TAMM41: variants seen among roughly 807,000 people sequenced by gnomAD.
TAMM41 encodes TAM41 mitochondrial translocator assembly and maintenance homolog.
TAMM41 carries 36 observed loss-of-function variants against 44.1 expected under a neutral mutation model. That is an observed-to-expected ratio of 0.82 (90% CI 0.63 to 1.08). TAMM41 has a LOEUF of 1.08. TAMM41 is among the 50% of genes least tolerant of loss of function. TAMM41 has a pLI of 0.00. For synonymous variants in TAMM41, 164 were observed against 153.1 expected, an observed-to-expected ratio of 1.07 and a Z score of -0.53; for missense variants, 417 against 404.3, an observed-to-expected ratio of 1.03 and a Z score of -0.27.
At chr3:11,790,698 G>A in intron 7 of TAMM41, 117 bp from the exon 8 acceptor site, 2 of 820,228 alleles carry the variant, frequency 2.4e-6, no homozygotes, top group Non-Finnish European at 4.0e-6. Context: ...GGGCTGACCC[G>A]TGGCTCTAGG....
chr3:11,826,326 G>C (rs879449340), intron 4 of TAMM41, among the ~76,000 whole-genome samples: 71 of 152,184 alleles, frequency 4.7e-4, no homozygotes, highest in Non-Finnish European at 8.7e-4. Flanking sequence ...TTGAGCTCAG[G>C]AATTCGAGAC....
chr3:11,819,644 T>C (rs1053404850), intron 4 of TAMM41, among the ~76,000 whole-genome samples: 1 of 152,076 alleles, frequency 6.6e-6, no homozygotes, highest in Non-Finnish European at 1.5e-5. Context: ...TCTATAGTCC[T>C]AGCACTTTGT....
At chr3:11,818,190 C>G (rs1177304506) in intron 4 of TAMM41, among the ~76,000 whole-genome samples, 1 of 152,166 alleles carries the variant, frequency 6.6e-6, no homozygotes, top group African/African-American at 2.4e-5. Flanking sequence ...AGCAAATTGT[C>G]AGGGGGAGTA....
chr3:11,797,750 C>G (rs1049615384), intron 7 of TAMM41, among the ~76,000 whole-genome samples: 1 of 152,086 alleles, frequency 6.6e-6, no homozygotes, highest in South Asian at 2.1e-4. Context: ...AGGCATCTGA[C>G]AAAGGCTTTA....
At chr3:11,807,646 A>T (rs1469840168) in intron 7 of TAMM41, 187 bp downstream of exon 7, 10 of 1,536,308 alleles carry the variant, frequency 6.5e-6, no homozygotes, top group Non-Finnish European at 8.7e-6. Flanking sequence ...ATGGTCTGAC[A>T]TTGTTCGACC....
At chr3:11,839,951 G>C (rs959849916) in intron 2 of TAMM41, among the ~76,000 whole-genome samples, 2 of 152,036 alleles carry the variant, frequency 1.3e-5, no homozygotes, top group African/African-American at 4.8e-5. Context: ...GATGTTTTCA[G>C]ACTTTTGCAT....
intron 4 of TAMM41, among the ~76,000 whole-genome samples, chr3:11,825,155 A>G (rs1375091044): frequency 6.6e-6 from 1 of 152,218 alleles, no homozygotes; most frequent in Non-Finnish European, 1.5e-5. Flanking sequence ...GACCCAGGGC[A>G]AGCCACTTAA....
chr3:11,741,942 G>T, the TAMM41 span, among the ~76,000 whole-genome samples: 1 of 149,970 alleles, frequency 6.7e-6, no homozygotes, highest in Non-Finnish European at 1.5e-5. Context: ...CTGGACAAAG[G>T]GATTATTCAC....
At chr3:11,725,447 TCC>T in the TAMM41 span, among the ~76,000 whole-genome samples, 4 of 145,780 alleles carry the variant, frequency 2.7e-5, no homozygotes, top group East Asian at 2.1e-4. Flanking sequence ...CTCCTCCTCC[TCC>T]TCCTCCTTCT....
the TAMM41 span, among the ~76,000 whole-genome samples, chr3:11,734,822 T>C: frequency 2.1e-5 from 3 of 140,910 alleles, no homozygotes; most frequent in African/African-American, 8.2e-5. Context: ...GATCACAAGG[T>C]CAGGAGATCA....
chr3:11,807,923 CA>C (rs571939110), intron 6 of TAMM41, 28 bp from the exon 7 acceptor site: 2 of 1,489,812 alleles, frequency 1.3e-6, no homozygotes, highest in Non-Finnish European at 8.9e-7. Context: ...AAAAGGAGAC[CA>C]AAAAAACCCA....
chr3:11,737,790 T>C, the TAMM41 span, among the ~76,000 whole-genome samples: 1 of 152,166 alleles, frequency 6.6e-6, no homozygotes, highest in African/African-American at 2.4e-5. Context: ...AATATTAACT[T>C]GACATGACAG....
At chr3:11,729,538 CATTTTTT>C in the TAMM41 span, among the ~76,000 whole-genome samples, 80 of 65,532 alleles carry the variant, frequency 1.2e-3, 9 homozygotes, top group African/African-American at 3.9e-3. Context: ...TTCTTTCTTT[CATTTTTT>C]TTTTTTTTTT....
Position 11,828,058 on chromosome 3 carries a change from G to A in TAMM41, c.562+1656C>T, listed in dbSNP as rs142724119. 1.0e-3 allele frequency among the ~76,000 whole-genome samples: 154 copies of A among 152,288 alleles called. No individual in the cohort carries two copies. The East Asian group carries it at 0.023, about 23-fold the overall frequency. ...AGATTAGTAGACAATATGAATTTTGGCATATTCTCAGGGCTTCGGAGATTT... is the reference window on the plus strand; with the variant it reads ...AGATTAGTAGACAATATGAATTTTGACATATTCTCAGGGCTTCGGAGATTT... On this transcript the variant is annotated intron_variant, in intron 4 of 7. Coordinates refer to ENST00000455809, the MANE Select transcript of TAMM41 (RefSeq NM_001284401.2).
chr3:11,735,315 G>A, the TAMM41 span, among the ~76,000 whole-genome samples: 15 of 152,260 alleles, frequency 9.9e-5, no homozygotes, highest in South Asian at 1.5e-3. Context: ...TTACGACTGC[G>A]CCACTGCATT....
chr3:11,844,919 GCAC>G (rs1160517322), intron 1 of TAMM41: 1 of 456,690 alleles, frequency 2.2e-6, no homozygotes, highest in East Asian at 7.0e-5. Flanking sequence ...CAGATCAGGG[GCAC>G]AGGAGGGAGA....
In TAMM41 at chr3:11,807,855, GCT is replaced by G. The variant is rs2077965667; in HGVS notation, c.913_914del (p.Ser305HisfsTer16). 6 of 1,536,150 alleles carry G rather than the reference GCT, an allele frequency of 3.9e-6. No homozygotes were observed. Among genetic ancestry groups the G allele is most frequent in the South Asian group, 2.4e-5 (2 of 84,056 alleles). ...TACCAGCAGTAAAAATGCCTTTCGT[GCT>G]CTGTCTTATACTAGACGGTCTCACG... is the stretch of plus-strand genomic sequence containing the variant. ...AIVRPSSIRQ[S>X]TKGIFTAGLK... is the part of the protein sequence containing the mutation. On this transcript the variant is annotated frameshift_variant, in exon 7 of 8. Coordinates refer to ENST00000455809, the MANE Select transcript of TAMM41 (RefSeq NM_001284401.2). LOFTEE classifies it high-confidence loss of function.
At chr3:11,764,317 G>C in the TAMM41 span, among the ~76,000 whole-genome samples, 1 of 151,378 alleles carries the variant, frequency 6.6e-6, no homozygotes, top group African/African-American at 2.4e-5. Context: ...AATTTTATAG[G>C]TGCAATGCTG....
chr3:11,819,231 A>G (rs2078412787), intron 4 of TAMM41, among the ~76,000 whole-genome samples: 1 of 152,174 alleles, frequency 6.6e-6, no homozygotes, highest in South Asian at 2.1e-4. Flanking sequence ...ACAGAGTAAG[A>G]CAGAAACACA....
Sources: allele counts gnomAD v4.1 joint callset (sites outside exome capture counted in the v4.1 genomes callset), GRCh38; gene constraint gnomAD v4.1.1; transcripts MANE v1.5; gene names NCBI Gene and HGNC (gene_info 2026-07-23, HGNC 2026-07-21).